The following TET1 variants were observed in gnomAD, a reference collection of about 807,000 sequenced individuals.
The protein encoded by TET1 is tet methylcytosine dioxygenase 1.
Under a neutral mutation model 148.7 loss-of-function variants are expected in TET1, and 13 were observed. That is an observed-to-expected ratio of 0.09 (90% confidence interval 0.06 to 0.14). The LOEUF (loss-of-function observed/expected upper bound fraction) is 0.14. TET1 is among the 10% of genes least tolerant of loss of function. The pLI, the probability that TET1 is intolerant of heterozygous loss-of-function variation, is 1.00. For missense variants in TET1, 2,182 were observed against 2,553.8 expected, an observed-to-expected ratio of 0.85 and a Z score of 3.14; for synonymous variants, 907 against 937.2, an observed-to-expected ratio of 0.97 and a Z score of 0.59.
intron 3 of TET1, among the ~76,000 whole-genome samples, chr10:68,626,549 T>TTTA (rs974810851): frequency 2.6e-5 from 4 of 151,760 alleles, no homozygotes; most frequent in African/African-American, 9.7e-5. Context: ...ATTTTATTAC[T>TTTA]TTATTATTAT....
chr10:68,579,296 G>A (rs922349753), intron 2 of TET1, among the ~76,000 whole-genome samples: 3 of 152,132 alleles, frequency 2.0e-5, no homozygotes, highest in Non-Finnish European at 4.4e-5. Flanking sequence ...TTGGTTCAGT[G>A]CCATAACAAA....
chr10:68,648,623 A>C (rs1031822330), intron 4 of TET1, among the ~76,000 whole-genome samples: 7 of 152,190 alleles, frequency 4.6e-5, no homozygotes, highest in Non-Finnish European at 7.4e-5. Context: ...TTCCATAGGG[A>C]GGCTAAGTAT....
chr10:68,660,827 A>C (rs1564497950), intron 6 of TET1, among the ~76,000 whole-genome samples: 2 of 145,232 alleles, frequency 1.4e-5, no homozygotes, highest in African/African-American at 5.1e-5. Flanking sequence ...AGCTCGACTA[A>C]TTTTTTTTGT....
intron 2 of TET1, among the ~76,000 whole-genome samples, chr10:68,581,480 A>G (rs532770490): frequency 2.0e-5 from 3 of 152,186 alleles, no homozygotes; most frequent in Non-Finnish European, 4.4e-5. Context: ...ATTCGCAGAC[A>G]TTAGAGAGTA....
intron 4 of TET1, 49 bp downstream of exon 4, chr10:68,647,054 C>T: frequency 6.5e-7 from 1 of 1,534,784 alleles, no homozygotes; most frequent in Non-Finnish European, 8.8e-7. Flanking sequence ...CAAATTACCT[C>T]AATCATGACT....
At chr10:68,669,105 C>A (rs940716815) in intron 7 of TET1, among the ~76,000 whole-genome samples, 6 of 151,980 alleles carry the variant, frequency 3.9e-5, no homozygotes, top group Non-Finnish European at 7.4e-5. Flanking sequence ...TAAAACCAGG[C>A]ATAGTGGTGT....
At chr10:68,619,941 C>A (rs1424180551) in intron 3 of TET1, among the ~76,000 whole-genome samples, 1 of 152,072 alleles carries the variant, frequency 6.6e-6, no homozygotes, top group Admixed American at 6.6e-5. Context: ...TCCTGTAATC[C>A]CAGCACTTTG....
At chr10:68,608,646 T>C (rs906193093) in intron 3 of TET1, among the ~76,000 whole-genome samples, 6 of 152,130 alleles carry the variant, frequency 3.9e-5, no homozygotes, top group African/African-American at 1.4e-4. Context: ...GTGATTCTCC[T>C]ACCTCAGCCT....
chr10:68,661,895 T>C (rs1304511101), intron 6 of TET1, among the ~76,000 whole-genome samples: 1 of 101,656 alleles, frequency 9.8e-6, no homozygotes, highest in Non-Finnish European at 2.3e-5. Flanking sequence ...TTTTTTTTTT[T>C]TGTGAGATGG....
rs2054859055 is a variant in TET1 at position 68,646,895 on chromosome 10, A to G, written c.4166A>G (p.Asp1389Gly). The part of the protein sequence containing the change: ...SFGTSEFSTV[D>G]SAQKNFNDYA... ...GGAACATCAGAATTTTCCACAGTGG[A>G]CAGTGCACAGAAAAATTTTAATGAT... Residue 1389 changes from aspartate to glycine, a missense_variant, in exon 4 of 12, where the codon GAC becomes GGC. By Grantham distance (94) the Asp-to-Gly change is moderately conservative. Transcript: ENST00000373644. The G allele has an allele frequency of 6.2e-7, 1 of 1,614,182 alleles. No homozygotes were observed. The highest frequency in any genetic ancestry group is 8.5e-7 in the Non-Finnish European group (1 of 1,180,034).
At chr10:68,647,887 C>A (rs1479307643) in intron 4 of TET1, among the ~76,000 whole-genome samples, 1 of 151,850 alleles carries the variant, frequency 6.6e-6, no homozygotes, top group Non-Finnish European at 1.5e-5. Context: ...CTTTTTTTGT[C>A]CAAAGAGCAC....
rs1001136538 is a variant in TET1, at chr10:68,609,413, G to A, written c.1968+8379G>A. On this transcript the variant is annotated intron_variant, in intron 3 of 11. Transcript: ENST00000373644. ...TGACCTCAGGTGATCCACCCTCCTCGGCCTCCCAAAGTGCTGGGATTACAG... is the reference window on the plus strand; with the variant it reads ...TGACCTCAGGTGATCCACCCTCCTCAGCCTCCCAAAGTGCTGGGATTACAG... Among the ~76,000 whole-genome samples, 62 of 151,770 alleles carry A rather than the reference G, an allele frequency of 4.1e-4. 1 individual carries two copies. Among genetic ancestry groups the A allele is most frequent in the Non-Finnish European group, 7.4e-4 (50 of 67,948 alleles).
intron 3 of TET1, among the ~76,000 whole-genome samples, chr10:68,627,755 G>A (rs1295139178): frequency 1.4e-5 from 2 of 143,192 alleles, no homozygotes; most frequent in Non-Finnish European, 3.1e-5. Context: ...GTGAAACCCC[G>A]TCTCTACCAA....
chr10:68,674,565 T>C, intron 8 of TET1: 1 of 544,094 alleles, frequency 1.8e-6, no homozygotes, highest in Non-Finnish European at 3.5e-6. Flanking sequence ...ATTTAGAAAA[T>C]TCAGCTGATT....
intron 3 of TET1, among the ~76,000 whole-genome samples, chr10:68,620,953 G>T (rs2054361554): frequency 6.6e-6 from 1 of 152,146 alleles, no homozygotes; most frequent in African/African-American, 2.4e-5. Flanking sequence ...TTTCTTTGGA[G>T]AACTATCTAT....
intron 3 of TET1, among the ~76,000 whole-genome samples, chr10:68,634,995 A>G (rs959865668): frequency 6.6e-6 from 1 of 151,670 alleles, no homozygotes; most frequent in Non-Finnish European, 1.5e-5. Context: ...GGGTTTCACC[A>G]TGTTGGCCAG....
intron 3 of TET1, among the ~76,000 whole-genome samples, chr10:68,601,569 G>A (rs2132876151): frequency 6.6e-6 from 1 of 152,250 alleles, no homozygotes; most frequent in Non-Finnish European, 1.5e-5. Flanking sequence ...CTTTCATGAA[G>A]CCATAAGAAT....
rs1288019869 is a variant in TET1 at position 68,667,097 on chromosome 10, G to A, written c.4514G>A (p.Arg1505His). 2.5e-6 allele frequency: 4 copies of A among 1,613,980 alleles called. No individual in the cohort carries two copies. Among genetic ancestry groups the A allele is most frequent in the Non-Finnish European group, 3.4e-6 (4 of 1,180,034 alleles). The change falls in exon 7 of 12, where the codon CGT becomes CAT. Residue 1505 changes from arginine (R) to histidine (H), a missense_variant. Physicochemically the swap from Arg to His is conservative, Grantham distance 29. Transcript: ENST00000373644. Reference sequence around the variant, plus strand: ...AAAGTTCTTTGTTTGGTCCGGCAGCGTACAGGCCACCACTGTCCAACTGCT... The same window carrying A: ...AAAGTTCTTTGTTTGGTCCGGCAGCATACAGGCCACCACTGTCCAACTGCT... The part of the protein sequence containing the change: ...EEKVLCLVRQ[R>H]TGHHCPTAVM...
intron 1 of TET1, among the ~76,000 whole-genome samples, chr10:68,565,464 TAAA>T (rs199760806): frequency 2.8e-5 from 3 of 107,986 alleles, no homozygotes; most frequent in African/African-American, 1.0e-4. Context: ...AGACCCTGTT[TAAA>T]AAAAAAAAAT....
Sources: allele counts gnomAD v4.1 joint callset (sites outside exome capture counted in the v4.1 genomes callset), GRCh38; gene constraint gnomAD v4.1.1; transcripts MANE v1.5; gene names NCBI Gene and HGNC (gene_info 2026-07-23, HGNC 2026-07-21).